The following CAPN13 variants were observed in gnomAD, a reference collection of about 807,000 sequenced individuals.
The protein encoded by CAPN13 is calpain-13.
A neutral mutation model predicts 98.4 loss-of-function variants in CAPN13; 90 were observed. The observed-to-expected ratio is 0.92, with a 90% CI of 0.77 to 1.09. CAPN13 has a LOEUF of 1.09. Ranked by LOEUF, CAPN13 falls within the 50% of genes least tolerant of loss-of-function variation. The probability of loss-of-function intolerance (pLI) is 0.00; values close to 1 mark genes in which losing one functional copy is unlikely to be tolerated. For missense variants in CAPN13, 887 were observed against 841.3 expected (o/e 1.05, Z -0.67); for synonymous variants, 330 against 305.5 (o/e 1.08, Z -0.84).
chr2:30,763,359 C>T (rs993785424), intron 6 of CAPN13, among the ~76,000 whole-genome samples: 9 of 152,228 alleles, frequency 5.9e-5, no homozygotes, highest in Non-Finnish European at 1.2e-4. Context: ...TGCCTCAGGG[C>T]ACCACCCCCA....
rs199947808 is a variant in CAPN13, at chr2:30,754,246, G to A, written c.941+44C>T. ...AAAAGGGTAGGGATTGAAGACTTGG[G>A]CAATAAAAGATTTAAAACACCATTG... On this transcript the variant is annotated intron_variant, in intron 9 of 22. Coordinates refer to ENST00000295055, the MANE Select transcript of CAPN13 (RefSeq NM_144575.3). The A allele has an allele frequency of 1.0e-4, 146 of 1,462,286 alleles. 1 individual carries two copies. The East Asian group carries it at 3.5e-3, about 35-fold the overall frequency. 90.6% of individuals were successfully genotyped at this position (1,462,286 alleles called of 1,614,324 possible).
intron 8 of CAPN13, 74 bp from the exon 9 acceptor site, chr2:30,754,438 G>A (rs1238577693): frequency 1.0e-5 from 13 of 1,269,324 alleles, no homozygotes; most frequent in South Asian, 1.5e-5. Flanking sequence ...GGGTCAACAG[G>A]GACCCTCTGT....
rs1035081162 is a variant in CAPN13 at position 30,787,418 on chromosome 2, T to G, written c.-32-61A>C. ...CCATCAAGTCCTTTGCATCATCAAA[T>G]GTGAGCCCCAGATGGGCACTCTGAT... On this transcript the variant is annotated intron_variant, in intron 1 of 22. Transcript: ENST00000295055. 6 of 1,323,862 alleles carry G rather than the reference T, an allele frequency of 4.5e-6. No homozygotes were observed. In the African/African-American group the frequency reaches 8.9e-5, roughly 20 times the overall value. The allele number at this position is 1,323,862 out of a possible 1,614,324, so 82.0% of individuals were successfully genotyped here. A position where few individuals can be genotyped will look rare whatever the true frequency, so the allele number is the denominator to read the frequency against.
intron 15 of CAPN13, among the ~76,000 whole-genome samples, chr2:30,741,066 C>A (rs1671627452): frequency 6.6e-6 from 1 of 152,222 alleles, no homozygotes; most frequent in African/African-American, 2.4e-5. Context: ...CCTTGTCATG[C>A]AGTGAGTGAA....
At chr2:30,777,774 C>A in intron 2 of CAPN13, 135 bp from the exon 3 acceptor site, 1 of 732,424 alleles carries the variant, frequency 1.4e-6, no homozygotes, top group Admixed American at 2.1e-5. Flanking sequence ...GGAAAGTTCA[C>A]CACGTTCTTC....
intron 1 of CAPN13, among the ~76,000 whole-genome samples, chr2:30,788,858 A>G (rs1334080648): frequency 6.6e-6 from 1 of 152,230 alleles, no homozygotes; most frequent in East Asian, 1.9e-4. Context: ...AATTGTGCAT[A>G]CAACTGTCTG....
At chr2:30,736,661 C>T in intron 17 of CAPN13, 90 bp from the exon 18 acceptor site, 1 of 1,139,596 alleles carries the variant, frequency 8.8e-7, no homozygotes, top group South Asian at 1.3e-5. Flanking sequence ...GCCCATTCAT[C>T]ACTAGCAACA....
rs1418151314 is a variant in CAPN13, at chr2:30,722,775, T to A, written c.*492A>T. 2.0e-5 allele frequency: 3 copies of A among 152,378 alleles called. 1 individual carries two copies. In the South Asian group the frequency reaches 6.2e-4, roughly 32 times the overall value. 9.4% of individuals were successfully genotyped at this position (152,378 alleles called of 1,614,324 possible). On this transcript the variant is annotated 3_prime_UTR_variant, in exon 23 of 23. Coordinates refer to ENST00000295055, the MANE Select transcript of CAPN13 (RefSeq NM_144575.3). ...ACAGAATATGAATGAGAGACCTTTA[T>A]GGGAAACATGTTTTATTTTTGCCAT...
intron 7 of CAPN13, among the ~76,000 whole-genome samples, chr2:30,760,821 G>A (rs1464999624): frequency 6.6e-6 from 1 of 152,174 alleles, no homozygotes; most frequent in Non-Finnish European, 1.5e-5. Flanking sequence ...CAAGGCCATG[G>A]CTACACCTGA....
At chr2:30,742,851 C>A (rs576658173) in intron 13 of CAPN13, among the ~76,000 whole-genome samples, 1 of 152,188 alleles carries the variant, frequency 6.6e-6, no homozygotes, top group East Asian at 1.9e-4. Flanking sequence ...ATGATGGACT[C>A]TTTCTTTCAG....
At chr2:30,731,858 G>T (rs1226386147) in intron 20 of CAPN13, among the ~76,000 whole-genome samples, 2 of 152,228 alleles carry the variant, frequency 1.3e-5, no homozygotes, top group African/African-American at 2.4e-5. Flanking sequence ...TGCAGGCTTT[G>T]CAGCAGTGCC....
chr2:30,748,527 C>G (rs1433257428), intron 11 of CAPN13, among the ~76,000 whole-genome samples: 3 of 152,030 alleles, frequency 2.0e-5, no homozygotes, highest in African/African-American at 7.3e-5. Flanking sequence ...AATGCCAAGG[C>G]TCTGAGTGAC....
intron 1 of CAPN13, among the ~76,000 whole-genome samples, chr2:30,805,747 C>T (rs867890344): frequency 1.4e-4 from 17 of 121,518 alleles, no homozygotes; most frequent in African/African-American, 2.3e-4. Context: ...GTAGGTTGGT[C>T]TTTTTTTTTT....
At chr2:30,753,816 C>T (rs542896711) in intron 9 of CAPN13, among the ~76,000 whole-genome samples, 105 of 152,162 alleles carry the variant, frequency 6.9e-4, no homozygotes, top group African/African-American at 2.5e-3. Flanking sequence ...AGCATATGGC[C>T]GAGAACGTGT....
chr2:30,759,648 G>T (rs913424988), intron 7 of CAPN13, among the ~76,000 whole-genome samples: 2 of 152,180 alleles, frequency 1.3e-5, no homozygotes, highest in Non-Finnish European at 2.9e-5. Context: ...GGGCTGATGT[G>T]CGCTAAGGAA....
chr2:30,729,556 A>G (rs565994048), intron 22 of CAPN13: 2 of 152,370 alleles, frequency 1.3e-5, no homozygotes, highest in East Asian at 3.9e-4. Context: ...TGGAACAGAC[A>G]CAATAAAACT....
At chr2:30,787,072 T>C in intron 2 of CAPN13, 56 bp downstream of exon 2, 1 of 1,400,312 alleles carries the variant, frequency 7.1e-7, no homozygotes. Flanking sequence ...GGAGGTGCCA[T>C]GGCAGGCGAC....
intron 11 of CAPN13, 104 bp from the exon 12 acceptor site, chr2:30,745,838 C>T (rs1558620352): frequency 4.8e-6 from 4 of 841,422 alleles, no homozygotes; most frequent in South Asian, 1.6e-5. Context: ...TGCATTCCTT[C>T]TCCTTTTCTT....
At chr2:30,732,154 A>G (rs1009779196) in intron 20 of CAPN13, among the ~76,000 whole-genome samples, 2 of 152,198 alleles carry the variant, frequency 1.3e-5, no homozygotes, top group Non-Finnish European at 2.9e-5. Context: ...TTCAATGATA[A>G]ACACAACCTG....
Sources: allele counts gnomAD v4.1 joint callset (sites outside exome capture counted in the v4.1 genomes callset), GRCh38; gene constraint gnomAD v4.1.1; transcripts MANE v1.5; gene names NCBI Gene and HGNC (gene_info 2026-07-23, HGNC 2026-07-21).